WDFY3: variants seen among roughly 807,000 people sequenced by gnomAD.
WDFY3 encodes the protein WD repeat and FYVE domain-containing protein 3.
In WDFY3, 66 loss-of-function variants were observed where a neutral mutation model predicts 409.6. The observed-to-expected ratio is 0.16, with a 90% CI of 0.13 to 0.20. The LOEUF is 0.20. WDFY3 is among the 10% of genes least tolerant of loss of function. The probability of loss-of-function intolerance (pLI) is 1.00; values close to 1 mark genes in which losing one functional copy is unlikely to be tolerated. For synonymous variants in WDFY3, 1,521 were observed against 1,537.1 expected (o/e 0.99, Z 0.25); for missense variants, 3,031 against 4,298.1 (o/e 0.71, Z 8.24).
In WDFY3 at chr4:84,753,792, C is replaced by G. The variant is rs187740493; in HGVS notation, c.5644G>C (p.Val1882Leu). The change falls in exon 35 of 68, where the codon GTG becomes CTG. Residue 1882 changes from valine (V) to leucine (L), a missense_variant. Around this residue, in one of 16 missense-constraint regions of WDFY3, gnomAD observed 342 missense variants for 463.7 expected, o/e 0.74. Transcript: ENST00000295888. The part of the protein sequence containing the change: ...MQFFRYLYHN[V>L]PDLASMWMSP... ...ATCCACATGGAGGCAAGGTCTGGCA[C>G]GTTGTGATACAAATATCTGAAGAAC... is the stretch of plus-strand genomic sequence containing the variant. 1.9e-5 allele frequency: 30 copies of G among 1,612,034 alleles called. No homozygotes were observed. The highest frequency in any genetic ancestry group is 2.5e-5 in the Non-Finnish European group (30 of 1,179,134).
At chr4:84,953,316 T>G (rs961234293) in intron 1 of WDFY3, among the ~76,000 whole-genome samples, 1 of 151,898 alleles carries the variant, frequency 6.6e-6, no homozygotes, top group African/African-American at 2.4e-5. Context: ...GAGAGGTGTC[T>G]CAAAAGATAC....
At chr4:84,828,947 T>C (rs1755262153) in intron 9 of WDFY3, 57 bp downstream of exon 9, 1 of 1,461,610 alleles carries the variant, frequency 6.8e-7, no homozygotes, top group Non-Finnish European at 9.1e-7. Flanking sequence ...ATTGTTTTCT[T>C]TGATAAAAAA....
chr4:84,741,018 T>C (rs1050143072), intron 38 of WDFY3, among the ~76,000 whole-genome samples: 6 of 152,174 alleles, frequency 3.9e-5, no homozygotes, highest in African/African-American at 1.4e-4. Context: ...AAACCCTTAA[T>C]TAAAAGTACT....
intron 36 of WDFY3, among the ~76,000 whole-genome samples, chr4:84,745,286 C>T (rs935099787): frequency 8.5e-5 from 13 of 152,166 alleles, no homozygotes; most frequent in Admixed American, 3.3e-4. Context: ...CAATAAATGT[C>T]ATAACTTCCT....
intron 63 of WDFY3, chr4:84,683,040 C>T (rs532039562): frequency 1.3e-5 from 2 of 154,056 alleles, no homozygotes; most frequent in East Asian, 3.8e-4. Flanking sequence ...CCTACAAAAA[C>T]CTCTCAGAGT....
At chr4:84,709,248 C>T in intron 52 of WDFY3, 45 bp downstream of exon 52, 1 of 1,552,458 alleles carries the variant, frequency 6.4e-7, no homozygotes, top group Non-Finnish European at 8.8e-7. Flanking sequence ...GACTTCTACT[C>T]TAATTACGAA....
At chr4:84,685,908 A>G (rs1728225794) in intron 62 of WDFY3, among the ~76,000 whole-genome samples, 1 of 152,186 alleles carries the variant, frequency 6.6e-6, no homozygotes, top group African/African-American at 2.4e-5. Context: ...AAGTGCTCCA[A>G]ATAATTGATT....
At chr4:84,923,942 A>T (rs929380528) in intron 2 of WDFY3, among the ~76,000 whole-genome samples, 1 of 152,150 alleles carries the variant, frequency 6.6e-6, no homozygotes, top group Non-Finnish European at 1.5e-5. Flanking sequence ...CAAGGCTGCA[A>T]ATAGCCATGA....
chr4:84,845,570 A>G (rs1032148720), intron 5 of WDFY3, among the ~76,000 whole-genome samples: 16 of 152,278 alleles, frequency 1.1e-4, no homozygotes, highest in Non-Finnish European at 2.1e-4. Flanking sequence ...GGTAGATCCC[A>G]TATTAAGTGC....
chr4:84,691,609 G>A, intron 60 of WDFY3, 22 bp downstream of exon 60: 1 of 1,610,622 alleles, frequency 6.2e-7, no homozygotes, highest in Non-Finnish European at 8.5e-7. Context: ...TATTAAATGA[G>A]TAGGCAGGAA....
intron 2 of WDFY3, among the ~76,000 whole-genome samples, chr4:84,928,012 G>A (rs1009971512): frequency 6.6e-6 from 1 of 152,218 alleles, no homozygotes; most frequent in South Asian, 2.1e-4. Flanking sequence ...AGGTGTGTCT[G>A]TGAAGGTGTT....
At chr4:84,745,845 C>G (rs1005347418) in intron 36 of WDFY3, among the ~76,000 whole-genome samples, 1 of 152,046 alleles carries the variant, frequency 6.6e-6, no homozygotes, top group African/African-American at 2.4e-5. Flanking sequence ...GGAGTCTTAT[C>G]CCTATAAACT....
intron 43 of WDFY3, 90 bp from the exon 44 acceptor site, chr4:84,733,699 G>C: frequency 2.5e-6 from 3 of 1,219,064 alleles, no homozygotes; most frequent in Non-Finnish European, 2.3e-6. Flanking sequence ...GTTATTATTT[G>C]GAAACAAACA....
chr4:84,867,457 T>C (rs1761544578), intron 3 of WDFY3, among the ~76,000 whole-genome samples: 1 of 152,214 alleles, frequency 6.6e-6, no homozygotes, highest in South Asian at 2.1e-4. Flanking sequence ...TTATTGTGTA[T>C]AAGAACTGGC....
intron 7 of WDFY3, among the ~76,000 whole-genome samples, chr4:84,833,822 C>T (rs1438096273): frequency 6.6e-6 from 1 of 152,048 alleles, no homozygotes; most frequent in Non-Finnish European, 1.5e-5. Context: ...TCCTATTTCC[C>T]TCAAATGCAA....
chr4:84,788,664 T>C (rs575464421), intron 22 of WDFY3, among the ~76,000 whole-genome samples: 1 of 152,348 alleles, frequency 6.6e-6, no homozygotes, highest in Non-Finnish European at 1.5e-5. Flanking sequence ...TCAAAGATAC[T>C]GCTGGTTTCA....
intron 1 of WDFY3, among the ~76,000 whole-genome samples, chr4:84,965,222 T>TA (rs1342824320): frequency 3.3e-5 from 5 of 152,218 alleles, no homozygotes; most frequent in Non-Finnish European, 7.3e-5. Flanking sequence ...TGCCACTATT[T>TA]AAAAAGCCCG....
At chr4:84,930,271 A>G (rs764519332) in intron 2 of WDFY3, among the ~76,000 whole-genome samples, 1 of 152,250 alleles carries the variant, frequency 6.6e-6, no homozygotes, top group Non-Finnish European at 1.5e-5. Flanking sequence ...GTCTTTATTA[A>G]GAAAAAAGAT....
intron 10 of WDFY3, among the ~76,000 whole-genome samples, chr4:84,826,145 A>G (rs889677813): frequency 6.6e-6 from 1 of 152,072 alleles, no homozygotes; most frequent in African/African-American, 2.4e-5. Context: ...CTGTGGATTC[A>G]ATCAATCACA....
Sources: gnomAD v4.1 joint callset for allele counts (sites outside exome capture counted in the v4.1 genomes callset) on GRCh38, gnomAD v4.1.1 for gene constraint, gnomAD v4.1.1 regional missense constraint, MANE v1.5 for transcripts, NCBI Gene and HGNC (gene_info 2026-07-23, HGNC 2026-07-21) for gene names.